The following PUS7L variants were observed in gnomAD, a reference collection of about 807,000 sequenced individuals.
The protein encoded by PUS7L is pseudouridylate synthase PUS7L.
In PUS7L, 49 loss-of-function variants were observed where a neutral mutation model predicts 51.1. The ratio of observed to expected loss-of-function variants is 0.96; its 90% CI spans 0.76 to 1.22. The LOEUF is 1.22. Ranked by LOEUF, PUS7L falls within the 50% of genes most tolerant of loss-of-function variation. The pLI is 0.00. For synonymous variants in PUS7L, 277 were observed against 276.2 expected (o/e 1.00, Z -0.03); for missense variants, 828 against 820.6 (o/e 1.01, Z -0.11).
intron 1 of PUS7L, chr12:43,758,413 C>T: frequency 1.0e-6 from 1 of 985,502 alleles, no homozygotes; most frequent in Non-Finnish European, 1.2e-6. Flanking sequence ...AATTCGTTGG[C>T]GGAGGAGGGA....
chr12:43,720,036 A>C lies in PUS7L; in HGVS notation c.*10340T>G, dbSNP rs1194809589. 2.0e-5 allele frequency: 3 copies of C among 152,204 alleles called. No homozygotes were observed. Among genetic ancestry groups the C allele is most frequent in the Non-Finnish European group, 4.4e-5 (3 of 68,046 alleles). 9.4% of individuals were successfully genotyped at this position (152,204 alleles called of 1,614,324 possible). On this transcript the variant is annotated 3_prime_UTR_variant, in exon 9 of 9. Transcript: ENST00000344862. ...CTTCTTTAGATGGGTGCATAGCTAC[A>C]TAATGTACAGACTTCCTTCTTTTCT...
chr12:43,748,834 C>T (rs968216462), intron 2 of PUS7L, among the ~76,000 whole-genome samples: 1 of 152,106 alleles, frequency 6.6e-6, no homozygotes, highest in Non-Finnish European at 1.5e-5. Context: ...AGTGATTCTC[C>T]TGCCTCAGCC....
At chr12:43,735,058 G>A (rs1277377180) in intron 7 of PUS7L, among the ~76,000 whole-genome samples, 1 of 152,192 alleles carries the variant, frequency 6.6e-6, no homozygotes, top group Admixed American at 6.5e-5. Flanking sequence ...GCTCACGCCT[G>A]TAATCTCAGC....
At chr12:43,746,425 A>T (rs1054526408) in intron 3 of PUS7L, among the ~76,000 whole-genome samples, 187 bp from the exon 4 acceptor site, 2 of 152,246 alleles carry the variant, frequency 1.3e-5, no homozygotes, top group Non-Finnish European at 2.9e-5. Flanking sequence ...ATAGGATTGC[A>T]TTAACAGAAC....
chr12:43,728,981 A>T lies in PUS7L; in HGVS notation c.*1395T>A, dbSNP rs1944492876. 2.9e-6 allele frequency: 1 copy of T among 341,396 alleles called. No homozygotes were observed. 21.1% of individuals were successfully genotyped at this position (341,396 alleles called of 1,614,324 possible). The stretch of plus-strand genomic sequence containing the variant: ...TTTGTCTCCAATATCTGTGCTTTTA[A>T]TCACTATGCTAACATGTCTCTTATT... On this transcript the variant is annotated 3_prime_UTR_variant, in exon 9 of 9. Transcript: ENST00000344862.
At chr12:43,735,639 A>T (rs1944668394) in intron 7 of PUS7L, among the ~76,000 whole-genome samples, 1 of 152,132 alleles carries the variant, frequency 6.6e-6, no homozygotes, top group African/African-American at 2.4e-5. Context: ...GAATAAAAAT[A>T]GATTTTCAAT....
chr12:43,725,096 C>G lies in PUS7L; in HGVS notation c.*5280G>C, dbSNP rs544481810. The stretch of plus-strand genomic sequence containing the variant: ...TCAATCAGCTTTCTCCTTCCTTAAA[C>G]AGAATGATTGATGTGAGGACTGAAA... On this transcript the variant is annotated 3_prime_UTR_variant, in exon 9 of 9. Coordinates refer to ENST00000344862, the MANE Select transcript of PUS7L (RefSeq NM_031292.5). 5.3e-5 allele frequency: 8 copies of G among 152,288 alleles called. No individual in the cohort carries two copies. Among genetic ancestry groups the G allele is most frequent in the African/African-American group, 1.9e-4 (8 of 41,570 alleles). 9.4% of individuals were successfully genotyped at this position (152,288 alleles called of 1,614,324 possible).
chr12:43,748,755 C>T, intron 2 of PUS7L, 146 bp from the exon 3 acceptor site: 1 of 706,302 alleles, frequency 1.4e-6, no homozygotes, highest in Non-Finnish European at 2.2e-6. Context: ...GATGGAGTGT[C>T]ACTCTGTCAC....
Position 43,730,818 on chromosome 12 carries a change from A to G in PUS7L, c.1780-116T>C. 4.6e-6 allele frequency: 3 copies of G among 654,008 alleles called. No homozygotes were observed. The South Asian group carries it at 6.0e-5, about 13-fold the overall frequency. 40.5% of individuals were successfully genotyped at this position (654,008 alleles called of 1,614,324 possible). On this transcript the variant is annotated intron_variant, in intron 8 of 8. Coordinates refer to ENST00000344862, the MANE Select transcript of PUS7L (RefSeq NM_031292.5). ...ATTTGTAAAAATAGTCTCAGAATAT[A>G]AACACCACAATCAGCCTAAAACATG...
rs781124870 is a variant in PUS7L, at chr12:43,742,407, T to C, written c.1362+50A>G. The C allele has an allele frequency of 3.1e-5, 40 of 1,288,736 alleles. 2 individuals carry two copies. In the South Asian group the frequency reaches 5.0e-4, roughly 16 times the overall value. The allele number at this position is 1,288,736 out of a possible 1,614,324, so 79.8% of individuals were successfully genotyped here. On this transcript the variant is annotated intron_variant, in intron 5 of 8. Transcript: ENST00000344862. ...GAAAGCAAGGAGCTGGGTTATGTAGTAAGTATAATTGACAGAAACAGATAA... is the reference window on the plus strand; with the variant it reads ...GAAAGCAAGGAGCTGGGTTATGTAGCAAGTATAATTGACAGAAACAGATAA...
intron 8 of PUS7L, among the ~76,000 whole-genome samples, 166 bp from the exon 9 acceptor site, chr12:43,730,868 T>TAAA (rs1482342964): frequency 6.6e-6 from 1 of 152,154 alleles, no homozygotes; most frequent in Non-Finnish European, 1.5e-5. Flanking sequence ...CTATGATATT[T>TAAA]TTATGCTGCC....
chr12:43,758,043 T>G (rs1319127311), intron 1 of PUS7L, among the ~76,000 whole-genome samples: 1 of 152,222 alleles, frequency 6.6e-6, no homozygotes, highest in Non-Finnish European at 1.5e-5. Context: ...AACATGCTTT[T>G]GGAATTGTAA....
At chr12:43,756,015 A>T (rs1243781351) in intron 1 of PUS7L, among the ~76,000 whole-genome samples, 2 of 152,210 alleles carry the variant, frequency 1.3e-5, no homozygotes, top group African/African-American at 4.8e-5. Flanking sequence ...TGCAGGAAAG[A>T]TAAATTGCCC....
chr12:43,735,347 A>C (rs1053488059), intron 7 of PUS7L, among the ~76,000 whole-genome samples: 2 of 150,950 alleles, frequency 1.3e-5, no homozygotes, highest in African/African-American at 2.4e-5. Flanking sequence ...AATAAAAATA[A>C]ATAAATAAAT....
Position 43,731,721 on chromosome 12 carries a change from A to C in PUS7L, c.1763T>G (p.Met588Arg). The C allele has an allele frequency of 3.2e-6, 5 of 1,579,048 alleles. No homozygotes were observed. Among genetic ancestry groups the C allele is most frequent in the Non-Finnish European group, 4.3e-6 (5 of 1,152,026 alleles). ...LVTEEEGSAN[M>R]YAIHQVVLPV... The stretch of plus-strand genomic sequence containing the variant: ...CAAATTTACCTGATGTATTGCATAC[A>C]TATTAGCTGATCCCTCCTCTTCAGT... Residue 588 changes from methionine (M) to arginine (R), a missense_variant, in exon 8 of 9, where the codon ATG becomes AGG. Physicochemically the swap from Met to Arg is moderately conservative, Grantham distance 91. Coordinates refer to ENST00000344862, the MANE Select transcript of PUS7L (RefSeq NM_031292.5).
At chr12:43,747,421 C>G (rs936268314) in intron 3 of PUS7L, among the ~76,000 whole-genome samples, 5 of 152,106 alleles carry the variant, frequency 3.3e-5, no homozygotes, top group African/African-American at 1.2e-4. Flanking sequence ...TGGCTGGGTG[C>G]AGTGGCTTAT....
At chr12:43,741,152 T>C (rs139546818) in intron 5 of PUS7L, 12 of 152,326 alleles carry the variant, frequency 7.9e-5, no homozygotes, top group African/African-American at 2.9e-4. Context: ...CAAGAGCATG[T>C]AATATGAGGT....
intron 4 of PUS7L, among the ~76,000 whole-genome samples, chr12:43,743,758 G>A (rs924497671): frequency 4.0e-5 from 6 of 150,322 alleles, no homozygotes; most frequent in East Asian, 2.0e-4. Context: ...GCGAGACTCC[G>A]TCTCAAAAAA....
intron 2 of PUS7L, among the ~76,000 whole-genome samples, chr12:43,751,596 G>A (rs1314608593): frequency 2.6e-5 from 4 of 151,806 alleles, no homozygotes; most frequent in African/African-American, 7.3e-5. Flanking sequence ...CCAGTCTATC[G>A]TTGTTGGACA....
Sources: allele counts gnomAD v4.1 joint callset (sites outside exome capture counted in the v4.1 genomes callset), GRCh38; gene constraint gnomAD v4.1.1; transcripts MANE v1.5; gene names NCBI Gene and HGNC (gene_info 2026-07-23, HGNC 2026-07-21).